Variants in NRXN3 observed in about 807,000 individuals in gnomAD.
NRXN3 encodes the protein neurexin 3.
NRXN3 carries 32 observed loss-of-function variants against 137.6 expected under a neutral mutation model. The observed-to-expected ratio is 0.23, with a 90% CI of 0.18 to 0.31. The LOEUF is 0.31. Among genes scored for constraint, NRXN3 ranks in the 10% least tolerant of loss-of-function variants. The pLI, the probability that NRXN3 is intolerant of heterozygous loss-of-function variation, is 1.00. For synonymous variants in NRXN3, 798 were observed against 784.5 expected, an observed-to-expected ratio of 1.02 and a Z score of -0.29; for missense variants, 1,574 against 2,062.5, an observed-to-expected ratio of 0.76 and a Z score of 4.59.
rs78080970 is a variant in NRXN3 at position 79,664,980 on chromosome 14, C to T, written c.3616+1031C>T. 2.5e-3 allele frequency among the ~76,000 whole-genome samples: 388 copies of T among 152,226 alleles called. 8 individuals are homozygous for T. In the South Asian group the frequency reaches 0.043, roughly 17 times the overall value. On this transcript the variant is annotated intron_variant, in intron 17 of 20. Transcript: ENST00000335750. ...TGAGGTGGGCACAATAACAAAGAAGCTTGAAGCACATTTTCACATGTCTAA... is the reference window on the plus strand; with the variant it reads ...TGAGGTGGGCACAATAACAAAGAAGTTTGAAGCACATTTTCACATGTCTAA...
At chr14:79,293,367 T>A (rs775825785) in intron 15 of NRXN3, among the ~76,000 whole-genome samples, 33 of 152,202 alleles carry the variant, frequency 2.2e-4, no homozygotes, top group Non-Finnish European at 2.9e-5. Flanking sequence ...TGTGGAATCA[T>A]CAAATGCGAA....
At chr14:79,821,914 G>T (rs1270764247) in intron 20 of NRXN3, among the ~76,000 whole-genome samples, 1 of 151,930 alleles carries the variant, frequency 6.6e-6, no homozygotes, top group Non-Finnish European at 1.5e-5. Flanking sequence ...TATATATTAA[G>T]ATTTTTTTTA....
chr14:78,631,626 TCA>T (rs1367353957), intron 4 of NRXN3, among the ~76,000 whole-genome samples: 2 of 152,234 alleles, frequency 1.3e-5, no homozygotes, highest in African/African-American at 2.4e-5. Flanking sequence ...CTTAATACTC[TCA>T]GTTTTGTTGT....
intron 15 of NRXN3, among the ~76,000 whole-genome samples, chr14:79,057,387 G>A (rs1169669822): frequency 6.6e-6 from 1 of 152,214 alleles, no homozygotes; most frequent in Non-Finnish European, 1.5e-5. Context: ...TATAATTAAT[G>A]TGGATTTAGT....
rs554654576 is a variant in NRXN3, at chr14:79,637,729, C to CTTTTTTT, written c.3445-26037_3445-26031dup. Among the ~76,000 whole-genome samples the CTTTTTTT allele has an allele frequency of 6.8e-4, 65 of 95,596 alleles. 7 individuals carry two copies. The South Asian group carries it at 7.9e-3, about 12-fold the overall frequency. The allele number at this position is 95,596 out of a possible 152,430, so 62.7% of individuals were successfully genotyped here. On this transcript the variant is annotated intron_variant, in intron 16 of 20. Coordinates refer to ENST00000335750, the MANE Select transcript of NRXN3 (RefSeq NM_001330195.2). ...AACTGATGTAAGATATAGAAAAGTT[C>CTTTTTTT]TTTTTTTTTTTTTTTTTTGAGATGG...
chr14:79,560,593 C>T (rs2097485914), intron 16 of NRXN3, among the ~76,000 whole-genome samples: 1 of 144,054 alleles, frequency 6.9e-6, no homozygotes, highest in South Asian at 2.3e-4. Context: ...TCACTGCAAC[C>T]TCCGCCTCTT....
chr14:79,294,221 A>T (rs1472625325), intron 15 of NRXN3, among the ~76,000 whole-genome samples: 3 of 152,184 alleles, frequency 2.0e-5, no homozygotes, highest in Non-Finnish European at 2.9e-5. Flanking sequence ...TCTCGCACAC[A>T]TTAGGTGTTC....
chr14:78,650,316 G>C (rs985542587), intron 5 of NRXN3, among the ~76,000 whole-genome samples: 1 of 152,066 alleles, frequency 6.6e-6, no homozygotes, highest in African/African-American at 2.4e-5. Context: ...TGGGTGTATC[G>C]GTGTATGGTG....
At chr14:78,475,049 T>C (rs1392452670) in intron 4 of NRXN3, among the ~76,000 whole-genome samples, 4 of 152,164 alleles carry the variant, frequency 2.6e-5, no homozygotes, top group Admixed American at 2.6e-4. Context: ...CCTAACTTAA[T>C]TGCAAGGTAT....
intron 15 of NRXN3, among the ~76,000 whole-genome samples, chr14:79,425,727 T>C (rs2095646038): frequency 6.6e-6 from 1 of 152,134 alleles, no homozygotes; most frequent in Non-Finnish European, 1.5e-5. Flanking sequence ...ACAAAAGGCT[T>C]TGAGACCATA....
rs548508732 is a variant in NRXN3 at position 79,458,203 on chromosome 14, A to G, written c.3263-9018A>G. 3.0e-4 allele frequency among the ~76,000 whole-genome samples: 45 copies of G among 152,288 alleles called. No individual in the cohort carries two copies. The East Asian group carries it at 7.9e-3, about 27-fold the overall frequency. On this transcript the variant is annotated intron_variant, in intron 15 of 20. Transcript: ENST00000335750. ...CAATGTGATTTAGAAATGGAGGAGT[A>G]ACATAAAACAATTTGACTAAAAATG...
intron 19 of NRXN3, among the ~76,000 whole-genome samples, chr14:79,742,297 C>G (rs1322972014): frequency 6.6e-6 from 1 of 152,036 alleles, no homozygotes; most frequent in East Asian, 1.9e-4. Flanking sequence ...GATAATGTAC[C>G]TCTTGTTAAT....
chr14:78,307,890 A>G (rs1479033360), intron 4 of NRXN3, among the ~76,000 whole-genome samples: 1 of 152,096 alleles, frequency 6.6e-6, no homozygotes, highest in African/African-American at 2.4e-5. Context: ...ACTAACTGCT[A>G]ATTATTTCAC....
chr14:78,333,814 T>G (rs2081127029), intron 4 of NRXN3, among the ~76,000 whole-genome samples: 1 of 152,168 alleles, frequency 6.6e-6, no homozygotes, highest in South Asian at 2.1e-4. Context: ...CAGAGGGTTC[T>G]GTGTAGAGAA....
At chr14:78,177,672 C>G (rs2059403298) in intron 1 of NRXN3, 1 of 152,140 alleles carries the variant, frequency 6.6e-6, no homozygotes, top group Non-Finnish European at 1.5e-5. Context: ...AGGGGGCATA[C>G]TAGAGAGAGA....
rs369928242 is a variant in NRXN3, at chr14:79,438,863, G to A, written c.3263-28358G>A. Among the ~76,000 whole-genome samples, 48 of 152,320 alleles carry A rather than the reference G, an allele frequency of 3.2e-4. 1 individual carries two copies. Among genetic ancestry groups the A allele is most frequent in the African/African-American group, 9.9e-4 (41 of 41,580 alleles). ...CCATTGAGCCTCCAAGTAGAAGCCC[G>A]ATGACTTCACTTATGCCCGGCTGAT... is the stretch of plus-strand genomic sequence containing the variant. On this transcript the variant is annotated intron_variant, in intron 15 of 20. Transcript: ENST00000335750.
rs139736387 is a variant in NRXN3 at position 78,943,734 on chromosome 14, G to C, written c.2276-13508G>C. ...TGGAGTCAGAGGAGAGTTTAGTCTT[G>C]GACAAGGTGGCAGGGTCCTTACTCT... On this transcript the variant is annotated intron_variant, in intron 10 of 20. Coordinates refer to ENST00000335750, the MANE Select transcript of NRXN3 (RefSeq NM_001330195.2). Among the ~76,000 whole-genome samples the C allele has an allele frequency of 1.5e-3, 210 of 135,962 alleles. 7 individuals are homozygous for C. The East Asian group carries it at 0.042, about 27-fold the overall frequency. The allele number at this position is 135,962 out of a possible 152,430, so 89.2% of individuals were successfully genotyped here.
At chr14:78,770,962 G>A (rs7149761) in intron 8 of NRXN3, among the ~76,000 whole-genome samples, 27,756 of 152,166 alleles carry the variant, frequency 0.18, 4,758 homozygotes, top group African/African-American at 0.45. Context: ...TGAAAGGAAA[G>A]CAGCAATCAG....
chr14:79,704,501 A>G (rs1316610294), intron 19 of NRXN3, among the ~76,000 whole-genome samples: 1 of 152,128 alleles, frequency 6.6e-6, no homozygotes, highest in Non-Finnish European at 1.5e-5. Context: ...AGGAATCTAC[A>G]CAGTTTTCAT....
Sources: gnomAD v4.1 joint callset for allele counts (sites outside exome capture counted in the v4.1 genomes callset) on GRCh38, gnomAD v4.1.1 for gene constraint, MANE v1.5 for transcripts, NCBI Gene and HGNC (gene_info 2026-07-23, HGNC 2026-07-21) for gene names.